CLEC4M: variants seen among roughly 807,000 people sequenced by gnomAD.
CLEC4M encodes the protein CD209 antigen-like protein 1.
A neutral mutation model predicts 39.1 loss-of-function variants in CLEC4M; 25 were observed. That is an observed-to-expected ratio of 0.64 (90% CI 0.47 to 0.89). The LOEUF is 0.89. CLEC4M is among the 40% of genes least tolerant of loss of function. The pLI, the probability that CLEC4M is intolerant of heterozygous loss-of-function variation, is 0.00. For missense variants in CLEC4M, 353 were observed against 431.4 expected, an observed-to-expected ratio of 0.82 and a Z score of 1.61; for synonymous variants, 155 against 177.4, an observed-to-expected ratio of 0.87 and a Z score of 1.00.
Position 7,766,189 on chromosome 19 carries a change from G to A in CLEC4M, c.766G>A (p.Asp256Asn), listed in dbSNP as rs144886358. 1.5e-4 allele frequency: 245 copies of A among 1,614,124 alleles called. 1 individual carries two copies. In the African/African-American group the frequency reaches 2.3e-3, roughly 15 times the overall value. Reference protein sequence around the residue: ...KQQQIYQELTDLKTAFERLCR... With the variant: ...KQQQIYQELTNLKTAFERLCR... ...GCAGCAAATCTATCAAGAACTGACC[G>A]ATTTGAAGACTGCATTTGGTGAGTT... is the stretch of plus-strand genomic sequence containing the variant. The change falls in exon 4 of 7, where the codon GAT (aspartate) becomes AAT (asparagine). Residue 256 changes from aspartate to asparagine, a missense_variant. Physicochemically the swap from Asp to Asn is conservative, Grantham distance 23 (BLOSUM62 1). Around this residue, in one of 4 missense-constraint regions of CLEC4M, gnomAD observed 196 missense variants for 211.7 expected, o/e 0.93. Coordinates refer to ENST00000327325, the MANE Select transcript of CLEC4M (RefSeq NM_014257.5).
At position 7,769,242 on chromosome 19, in the gene CLEC4M, C is replaced by T. The variant is rs1241373438; in HGVS notation, c.*254C>T. ...ACCTGAGTGGGATGCATTTAGGGGG[C>T]GGGCTTGGTATGTTGTATGAATCCA... On this transcript the variant is annotated 3_prime_UTR_variant, in exon 7 of 7. Coordinates refer to ENST00000327325, the MANE Select transcript of CLEC4M (RefSeq NM_014257.5). 2 of 384,456 alleles carry T rather than the reference C, an allele frequency of 5.2e-6. No homozygotes were observed. The highest frequency in any genetic ancestry group is 4.7e-5 in the East Asian group (1 of 21,160). 23.8% of individuals were successfully genotyped at this position (384,456 alleles called of 1,614,324 possible).
chr19:7,763,504 G>A lies in CLEC4M; in HGVS notation c.130+28G>A, dbSNP rs747894565. The A allele has an allele frequency of 4.4e-6, 7 of 1,590,654 alleles. No homozygotes were observed. In the South Asian group the frequency reaches 5.5e-5, roughly 13 times the overall value. ...AGGCAAGAGTTAGGGAGCAGATAGT[G>A]GAAGACAGAGCCTCCCAGACCCCTG... On this transcript the variant is annotated intron_variant, in intron 2 of 6. Coordinates refer to ENST00000327325, the MANE Select transcript of CLEC4M (RefSeq NM_014257.5).
rs201111778 is a variant in CLEC4M at position 7,763,259 on chromosome 19, G to A, written c.-8G>A. 5.7e-5 allele frequency: 90 copies of A among 1,592,272 alleles called. No individual in the cohort carries two copies. The East Asian group carries it at 6.3e-4, about 11-fold the overall frequency. On this transcript the variant is annotated 5_prime_UTR_variant, in exon 1 of 7. Coordinates refer to ENST00000327325, the MANE Select transcript of CLEC4M (RefSeq NM_014257.5). The stretch of plus-strand genomic sequence containing the variant: ...GGAGTCCTGAACATCTGGGGACAGC[G>A]GGAAAACATGAGTGACTCCAAGGAA...
At chr19:7,767,066 C>T (rs756162113) in intron 5 of CLEC4M, 106 of 571,676 alleles carry the variant, frequency 1.9e-4, no homozygotes, top group Non-Finnish European at 2.7e-4. Context: ...GCCAGCTCTC[C>T]GGAGAGAAAA....
intron 2 of CLEC4M, among the ~76,000 whole-genome samples, chr19:7,764,784 CCTGGCCAAAAAGG>C (rs1485117206): frequency 6.6e-6 from 1 of 152,216 alleles, no homozygotes; most frequent in Non-Finnish European, 1.5e-5. Flanking sequence ...AGCCACCATG[CCTGGCCAAAAAGG>C]CAGTTAATTT....
chr19:7,766,647 C>T lies in CLEC4M; in HGVS notation c.785-9C>T, dbSNP rs773762465. 2.5e-6 allele frequency: 4 copies of T among 1,614,214 alleles called. No individual in the cohort carries two copies. Among genetic ancestry groups the T allele is most frequent in the Non-Finnish European group, 3.4e-6 (4 of 1,180,018 alleles). ...TCTGAGCCCAGCCCTGACCAGCCTC[C>T]CCCAACAGAACGCCTGTGCCGCCAC... On this transcript the variant is annotated splice_polypyrimidine_tract_variant and intron_variant, in intron 4 of 6. Transcript: ENST00000327325.
In CLEC4M at chr19:7,763,377, A is replaced by T. The variant is rs372548535; in HGVS notation, c.47-16A>T. Reference sequence around the variant, plus strand: ...AAGGGATGGCCCAGGCTCTGAGCTGATGTCTGTCAATTCAGAAGAAGATCC... The same window carrying T: ...AAGGGATGGCCCAGGCTCTGAGCTGTTGTCTGTCAATTCAGAAGAAGATCC... On this transcript the variant is annotated splice_polypyrimidine_tract_variant and intron_variant, in intron 1 of 6. Coordinates refer to ENST00000327325, the MANE Select transcript of CLEC4M (RefSeq NM_014257.5). The T allele has an allele frequency of 3.1e-5, 50 of 1,613,694 alleles. No homozygotes were observed. Among genetic ancestry groups the T allele is most frequent in the Non-Finnish European group, 4.0e-5 (47 of 1,179,842 alleles).
intron 4 of CLEC4M, 130 bp downstream of exon 4, chr19:7,766,337 A>T (rs1447283582): frequency 1.3e-6 from 2 of 1,501,670 alleles, no homozygotes; most frequent in Non-Finnish European, 1.8e-6. Flanking sequence ...GGTAACTGCG[A>T]TCATTGCACT....
At chr19:7,767,898 T>C (rs550855575) in intron 6 of CLEC4M, 1 of 328,154 alleles carries the variant, frequency 3.0e-6, no homozygotes, top group East Asian at 5.2e-5. Flanking sequence ...TGAAGTCTAG[T>C]AAGGCCACCA....
intron 5 of CLEC4M, 184 bp from the exon 6 acceptor site, chr19:7,767,332 G>C (rs76483925): frequency 5.3e-5 from 31 of 581,570 alleles, no homozygotes; most frequent in Non-Finnish European, 8.9e-5. Context: ...GTGCCTGCAT[G>C]TCAGGACACA....
Position 7,764,123 on chromosome 19 carries a change from AT to A in CLEC4M, c.130+649del, listed in dbSNP as rs796959558. On this transcript the variant is annotated intron_variant, in intron 2 of 6. Transcript: ENST00000327325. ...TTGAGGAGGATTTATTATTATTATTATTATTTAGGTGCACCAGCCCAGTCAG... is the reference window on the plus strand; with the variant it reads ...TTGAGGAGGATTTATTATTATTATTATATTTAGGTGCACCAGCCCAGTCAG... 2.1e-4 allele frequency among the ~76,000 whole-genome samples: 32 copies of A among 151,992 alleles called. 1 individual carries two copies. The highest frequency in any genetic ancestry group is 6.5e-4 in the African/African-American group (27 of 41,414).
Position 7,767,178 on chromosome 19 carries a change from G to A in CLEC4M, c.937-338G>A, listed in dbSNP as rs1271502356. On this transcript the variant is annotated intron_variant, in intron 5 of 6. Coordinates refer to ENST00000327325, the MANE Select transcript of CLEC4M (RefSeq NM_014257.5). ...GTCACTCAGTGCAGAGCTGAAAGGA[G>A]ATGTGCTGGACCAGCAATTAGTAGT... The A allele has an allele frequency of 2.8e-5, 12 of 426,400 alleles. No homozygotes were observed. In the East Asian group the frequency reaches 5.5e-4, roughly 19 times the overall value. The allele number at this position is 426,400 out of a possible 1,614,324, so 26.4% of individuals were successfully genotyped here. A position where few individuals can be genotyped will look rare whatever the true frequency, so the allele number is the denominator to read the frequency against.
At position 7,763,500 on chromosome 19, in the gene CLEC4M, T is replaced by G. The variant is rs77274792; in HGVS notation, c.130+24T>G. On this transcript the variant is annotated intron_variant, in intron 2 of 6. Transcript: ENST00000327325. Reference sequence around the variant, plus strand: ...AGGTAGGCAAGAGTTAGGGAGCAGATAGTGGAAGACAGAGCCTCCCAGACC... The same window carrying G: ...AGGTAGGCAAGAGTTAGGGAGCAGAGAGTGGAAGACAGAGCCTCCCAGACC... The G allele has an allele frequency of 2.1e-5, 34 of 1,601,522 alleles. No individual in the cohort carries two copies. In the African/African-American group the frequency reaches 4.3e-4, roughly 20 times the overall value.
chr19:7,766,643 C>A lies in CLEC4M; in HGVS notation c.785-13C>A. The A allele has an allele frequency of 6.2e-7, 1 of 1,614,160 alleles. No homozygotes were observed. The highest frequency in any genetic ancestry group is 8.5e-7 in the Non-Finnish European group (1 of 1,179,982). On this transcript the variant is annotated splice_polypyrimidine_tract_variant and intron_variant, in intron 4 of 6. Transcript: ENST00000327325. The stretch of plus-strand genomic sequence containing the variant: ...CTAATCTGAGCCCAGCCCTGACCAG[C>A]CTCCCCCAACAGAACGCCTGTGCCG...
In CLEC4M at chr19:7,765,121, A is replaced by C. The variant is rs184322341; in HGVS notation, c.131-64A>C. 449 of 1,563,134 alleles carry C rather than the reference A, an allele frequency of 2.9e-4. 1 individual carries two copies. In the African/African-American group the frequency reaches 5.5e-3, roughly 19 times the overall value. On this transcript the variant is annotated intron_variant, in intron 2 of 6. Transcript: ENST00000327325. ...TCCTGGGGTGCTGAGGGATTAGGCC[A>C]GGCTCTCCCTGGGCCAGGCTCAGGT...
At chr19:7,765,394 G>A (rs2034211194) in intron 3 of CLEC4M, 126 bp downstream of exon 3, 4 of 1,192,486 alleles carry the variant, frequency 3.4e-6, no homozygotes, top group Admixed American at 2.1e-5. Flanking sequence ...CTGGGGGTCT[G>A]TAGGGGCCTC....
Position 7,767,850 on chromosome 19 carries a change from G to T in CLEC4M, c.1049+222G>T, listed in dbSNP as rs571488292. The stretch of plus-strand genomic sequence containing the variant: ...AGCTGCAGGAGGAGCTTGCCCTGTG[G>T]GTAGGTGTGTTAAAATACAGTGTAT... On this transcript the variant is annotated intron_variant, in intron 6 of 6. Transcript: ENST00000327325. The T allele has an allele frequency of 6.0e-5, 31 of 519,748 alleles. No individual in the cohort carries two copies. In the East Asian group the frequency reaches 9.1e-4, roughly 15 times the overall value. 32.2% of individuals were successfully genotyped at this position (519,748 alleles called of 1,614,324 possible).
intron 6 of CLEC4M, 102 bp downstream of exon 6, chr19:7,767,730 T>C (rs1346724336): frequency 3.1e-6 from 3 of 956,872 alleles, no homozygotes; most frequent in East Asian, 2.5e-5. Context: ...CCTGACCCCA[T>C]AGGACTAAGA....
chr19:7,766,975 A>G, intron 5 of CLEC4M, 168 bp downstream of exon 5: 2 of 1,180,532 alleles, frequency 1.7e-6, no homozygotes, highest in South Asian at 1.6e-5. Flanking sequence ...GCAAATACAA[A>G]CCAGATCTGA....
Sources: allele counts gnomAD v4.1 joint callset (sites outside exome capture counted in the v4.1 genomes callset), GRCh38; gene constraint gnomAD v4.1.1; regional missense constraint gnomAD v4.1.1; transcripts MANE v1.5; gene names NCBI Gene and HGNC (gene_info 2026-07-23, HGNC 2026-07-21).